The following PPM1L variants were observed in gnomAD, a reference collection of about 807,000 sequenced individuals.
PPM1L encodes the protein protein phosphatase 1L.
A neutral mutation model predicts 31.4 loss-of-function variants in PPM1L; 13 were observed. The ratio of observed to expected loss-of-function variants is 0.41; its 90% CI spans 0.27 to 0.66. PPM1L has a LOEUF of 0.66. Among genes scored for constraint, PPM1L ranks in the 30% least tolerant of loss-of-function variants. The probability of loss-of-function intolerance (pLI) is 0.29; values close to 1 mark genes in which losing one functional copy is unlikely to be tolerated. For synonymous variants in PPM1L, 184 were observed against 175.4 expected, an observed-to-expected ratio of 1.05 and a Z score of -0.39; for missense variants, 326 against 453.7, an observed-to-expected ratio of 0.72 and a Z score of 2.56.
chr3:161,025,340 A>G (rs1442210304), intron 2 of PPM1L, among the ~76,000 whole-genome samples: 1 of 152,052 alleles, frequency 6.6e-6, no homozygotes, highest in Non-Finnish European at 1.5e-5. Context: ...GAGGCAGAAG[A>G]ATCACTTGAG....
chr3:160,906,242 A>G (rs1014874621), intron 1 of PPM1L, among the ~76,000 whole-genome samples: 1 of 152,210 alleles, frequency 6.6e-6, no homozygotes. Flanking sequence ...CTATTGCTGC[A>G]TAACAACATA....
chr3:160,977,538 T>C lies in PPM1L; in HGVS notation c.574+15628T>C, dbSNP rs187823987. 3.5e-4 allele frequency among the ~76,000 whole-genome samples: 54 copies of C among 152,346 alleles called. 1 individual carries two copies. The East Asian group carries it at 8.7e-3, about 24-fold the overall frequency. On this transcript the variant is annotated intron_variant, in intron 2 of 3. Transcript: ENST00000498165. ...ATAACACCTGTACTTAACTGACTTA[T>C]TCCTTACCTGAGTCACTCTGATTTC...
intron 2 of PPM1L, among the ~76,000 whole-genome samples, chr3:161,027,415 C>T (rs1263217722): frequency 6.6e-6 from 1 of 152,130 alleles, no homozygotes; most frequent in Non-Finnish European, 1.5e-5. Flanking sequence ...AATGGACGTA[C>T]AGTTAGTTAG....
At chr3:160,785,217 T>C (rs1216434040) in intron 1 of PPM1L, among the ~76,000 whole-genome samples, 3 of 152,200 alleles carry the variant, frequency 2.0e-5, no homozygotes, top group Non-Finnish European at 4.4e-5. Context: ...TATCCACATT[T>C]TTATAGAAAA....
intron 1 of PPM1L, among the ~76,000 whole-genome samples, chr3:160,792,886 C>T (rs2108073841): frequency 6.6e-6 from 1 of 152,336 alleles, no homozygotes; most frequent in Admixed American, 6.5e-5. Context: ...AGGACACAAT[C>T]ACTCTCCCAG....
At chr3:160,853,347 C>T (rs989008508) in intron 1 of PPM1L, among the ~76,000 whole-genome samples, 5 of 152,162 alleles carry the variant, frequency 3.3e-5, no homozygotes, top group African/African-American at 9.7e-5. Flanking sequence ...AGAATGTTCA[C>T]TCTACCTATC....
chr3:160,847,153 C>G (rs1714101209), intron 1 of PPM1L, among the ~76,000 whole-genome samples: 1 of 152,088 alleles, frequency 6.6e-6, no homozygotes, highest in Admixed American at 6.6e-5. Flanking sequence ...CACACTGTTT[C>G]TTCCCTCTTT....
intron 1 of PPM1L, among the ~76,000 whole-genome samples, chr3:160,897,423 T>C (rs1187802909): frequency 6.6e-6 from 1 of 152,178 alleles, no homozygotes; most frequent in African/African-American, 2.4e-5. Context: ...CCTTCACTTT[T>C]CTTAGTCTTC....
At chr3:160,830,135 T>G (rs554765529) in intron 1 of PPM1L, among the ~76,000 whole-genome samples, 2 of 152,192 alleles carry the variant, frequency 1.3e-5, no homozygotes, top group African/African-American at 4.8e-5. Flanking sequence ...GTAGTGGTTG[T>G]AAAAACAAAA....
At chr3:160,952,798 C>A (rs191426401) in intron 1 of PPM1L, among the ~76,000 whole-genome samples, 4 of 152,260 alleles carry the variant, frequency 2.6e-5, no homozygotes, top group Non-Finnish European at 5.9e-5. Flanking sequence ...ATAACTGAAG[C>A]AGAAGCCCTG....
At chr3:160,958,989 C>T (rs955865787) in intron 1 of PPM1L, among the ~76,000 whole-genome samples, 2 of 152,136 alleles carry the variant, frequency 1.3e-5, no homozygotes, top group African/African-American at 4.8e-5. Flanking sequence ...AAAAAAGACA[C>T]GTGCATGTGC....
chr3:160,826,759 G>A (rs1056935221), intron 1 of PPM1L, among the ~76,000 whole-genome samples: 5 of 152,082 alleles, frequency 3.3e-5, no homozygotes, highest in African/African-American at 9.7e-5. Context: ...TTGGATAGTG[G>A]CAGCAGTCCC....
Position 160,874,716 on chromosome 3 carries a change from A to G in PPM1L, c.400-87020A>G, listed in dbSNP as rs563555794. Among the ~76,000 whole-genome samples the G allele has an allele frequency of 3.7e-4, 57 of 152,348 alleles. 1 individual carries two copies. The South Asian group carries it at 8.3e-3, about 22-fold the overall frequency. On this transcript the variant is annotated intron_variant, in intron 1 of 3. Coordinates refer to ENST00000498165, the MANE Select transcript of PPM1L (RefSeq NM_139245.4). ...ATAATGATGTGTGGGTTCCAAGGCAAGGCCCTAAAAGGTGATACAACCTCC... is the reference window on the plus strand; with the variant it reads ...ATAATGATGTGTGGGTTCCAAGGCAGGGCCCTAAAAGGTGATACAACCTCC...
intron 1 of PPM1L, among the ~76,000 whole-genome samples, chr3:160,805,772 C>A (rs1445344708): frequency 6.6e-6 from 1 of 152,104 alleles, no homozygotes; most frequent in African/African-American, 2.4e-5. Context: ...GATTCTACCT[C>A]CCCCACCTTT....
intron 1 of PPM1L, among the ~76,000 whole-genome samples, chr3:160,822,399 C>T (rs1472937989): frequency 1.3e-5 from 2 of 151,872 alleles, no homozygotes; most frequent in African/African-American, 2.4e-5. Context: ...CTCATGATTA[C>T]GGTCCTTGAA....
At chr3:160,935,779 G>T (rs1478755794) in intron 1 of PPM1L, among the ~76,000 whole-genome samples, 2 of 152,202 alleles carry the variant, frequency 1.3e-5, no homozygotes, top group African/African-American at 4.8e-5. Flanking sequence ...TTAAGCCGTT[G>T]TACTAAATCT....
chr3:160,760,422 C>T lies in PPM1L; in HGVS notation c.399+3715C>T, dbSNP rs191986084. Among the ~76,000 whole-genome samples the T allele has an allele frequency of 1.6e-4, 24 of 152,218 alleles. 1 individual carries two copies. In the East Asian group the frequency reaches 3.9e-3, roughly 25 times the overall value. ...AGACTCTCTAGGGCTGTGGCTTCTT[C>T]TAGATGGATGAGATTTTAAAGAGCC... On this transcript the variant is annotated intron_variant, in intron 1 of 3. Coordinates refer to ENST00000498165, the MANE Select transcript of PPM1L (RefSeq NM_139245.4).
chr3:161,053,467 C>T (rs978763341), intron 2 of PPM1L, among the ~76,000 whole-genome samples: 2 of 152,178 alleles, frequency 1.3e-5, no homozygotes, highest in African/African-American at 2.4e-5. Context: ...GAAGGTTGCC[C>T]ATAGGCTGCA....
intron 2 of PPM1L, among the ~76,000 whole-genome samples, chr3:161,026,218 G>A (rs16831760): frequency 6.6e-6 from 1 of 152,116 alleles, no homozygotes; most frequent in Admixed American, 6.5e-5. Context: ...CCTTAAGGGG[G>A]TACTCACTGG....
Sources: allele counts gnomAD v4.1 joint callset (sites outside exome capture counted in the v4.1 genomes callset), GRCh38; gene constraint gnomAD v4.1.1; transcripts MANE v1.5; gene names NCBI Gene and HGNC (gene_info 2026-07-23, HGNC 2026-07-21).